The following NKAIN2 variants were observed in gnomAD, a reference collection of about 807,000 sequenced individuals.
The protein encoded by NKAIN2 is sodium/potassium transporting ATPase interacting 2, also known as sodium/potassium-transporting ATPase subunit beta-1-interacting protein 2.
Under a neutral mutation model 32.6 loss-of-function variants are expected in NKAIN2, and 14 were observed. The ratio of observed to expected loss-of-function variants is 0.43; its 90% CI spans 0.28 to 0.67. The LOEUF (loss-of-function observed/expected upper bound fraction) is 0.67, where lower values mean the gene tolerates loss of function less well. NKAIN2 is among the 30% of genes least tolerant of loss of function. The pLI is 0.17. For synonymous variants in NKAIN2, 80 were observed against 87.2 expected (o/e 0.92, Z 0.46); for missense variants, 198 against 258.3 (o/e 0.77, Z 1.60).
At chr6:124,130,331 T>C (rs532757207) in intron 1 of NKAIN2, among the ~76,000 whole-genome samples, 1 of 152,330 alleles carries the variant, frequency 6.6e-6, no homozygotes, top group African/African-American at 2.4e-5. Flanking sequence ...CACAGTGGCC[T>C]TATGATTACC....
intron 1 of NKAIN2, among the ~76,000 whole-genome samples, chr6:124,050,525 G>A (rs1477211319): frequency 1.3e-5 from 2 of 151,828 alleles, no homozygotes; most frequent in East Asian, 1.9e-4. Context: ...CCTGGCTTGG[G>A]GCTCAGTGGT....
intron 3 of NKAIN2, among the ~76,000 whole-genome samples, chr6:124,478,059 A>G (rs1777301358): frequency 6.6e-6 from 1 of 151,922 alleles, no homozygotes; most frequent in Non-Finnish European, 1.5e-5. Flanking sequence ...ATATCTGCTA[A>G]TATTGGTGAA....
At chr6:124,431,266 A>G (rs1297744096) in intron 3 of NKAIN2, among the ~76,000 whole-genome samples, 1 of 152,080 alleles carries the variant, frequency 6.6e-6, no homozygotes, top group Non-Finnish European at 1.5e-5. Context: ...ACTCGTTGCA[A>G]TATCTCTGGC....
chr6:123,909,770 G>A (rs1775075344), intron 1 of NKAIN2, among the ~76,000 whole-genome samples: 1 of 152,118 alleles, frequency 6.6e-6, no homozygotes, highest in African/African-American at 2.4e-5. Context: ...AAAGAAATAT[G>A]CATTTATTTT....
intron 1 of NKAIN2, among the ~76,000 whole-genome samples, chr6:123,844,704 G>T (rs1461286924): frequency 6.6e-6 from 1 of 152,178 alleles, no homozygotes; most frequent in East Asian, 1.9e-4. Context: ...CAGATTGATG[G>T]CAGAGTTTAT....
At chr6:124,256,882 G>GT (rs1163096108) in intron 1 of NKAIN2, among the ~76,000 whole-genome samples, 7 of 66,378 alleles carry the variant, frequency 1.1e-4, no homozygotes, top group South Asian at 4.4e-4. Flanking sequence ...TTAGCTTTCT[G>GT]TTGTTTTTTT....
chr6:124,559,446 C>T (rs1449924246), intron 3 of NKAIN2, among the ~76,000 whole-genome samples: 2 of 152,120 alleles, frequency 1.3e-5, no homozygotes, highest in African/African-American at 2.4e-5. Flanking sequence ...CAGCGATAGA[C>T]GATTCCTTAC....
intron 1 of NKAIN2, among the ~76,000 whole-genome samples, chr6:123,958,395 T>C (rs1582842781): frequency 6.6e-6 from 1 of 152,230 alleles, no homozygotes; most frequent in Non-Finnish European, 1.5e-5. Context: ...CCGTCACCTC[T>C]GTGCACATGG....
At chr6:123,887,219 CT>C (rs142172565) in intron 1 of NKAIN2, among the ~76,000 whole-genome samples, 2,156 of 152,144 alleles carry the variant, frequency 0.014, 23 homozygotes, top group Non-Finnish European at 0.021. Context: ...TACTTTGCCT[CT>C]AAGCTGCTGG....
At chr6:124,350,981 G>T (rs571882505) in intron 2 of NKAIN2, among the ~76,000 whole-genome samples, 9 of 152,074 alleles carry the variant, frequency 5.9e-5, no homozygotes, top group African/African-American at 1.9e-4. Context: ...AGAGTGAGAC[G>T]CCTTCTCTAA....
Position 123,949,143 on chromosome 6 carries a change from A to G in NKAIN2, c.54+144889A>G, listed in dbSNP as rs939046778. ...ATATGCCTGTTTTTATACAAATACC[A>G]TCCTGTTTTGGTTACTATAGCTTTG... On this transcript the variant is annotated intron_variant, in intron 1 of 6. Coordinates refer to ENST00000368417, the MANE Select transcript of NKAIN2 (RefSeq NM_001040214.3). Among the ~76,000 whole-genome samples the G allele has an allele frequency of 2.0e-5, 3 of 152,026 alleles. No individual in the cohort carries two copies. The South Asian group carries it at 6.2e-4, about 31-fold the overall frequency.
intron 1 of NKAIN2, among the ~76,000 whole-genome samples, chr6:124,086,709 A>T (rs1172917290): frequency 6.6e-6 from 1 of 151,940 alleles, no homozygotes; most frequent in Non-Finnish European, 1.5e-5. Flanking sequence ...AATGAGCCAA[A>T]TGCATGAAAG....
At chr6:124,175,023 C>T (rs967300600) in intron 1 of NKAIN2, among the ~76,000 whole-genome samples, 1 of 152,008 alleles carries the variant, frequency 6.6e-6, no homozygotes, top group African/African-American at 2.4e-5. Flanking sequence ...TTGTGAATAC[C>T]TGTATCTACC....
intron 1 of NKAIN2, among the ~76,000 whole-genome samples, chr6:123,821,076 T>C (rs1233256897): frequency 6.6e-6 from 1 of 152,210 alleles, no homozygotes; most frequent in East Asian, 1.9e-4. Flanking sequence ...TTTGGGCTGT[T>C]GCTATTGTGT....
chr6:124,320,152 A>G (rs1225841789), intron 2 of NKAIN2, among the ~76,000 whole-genome samples: 1 of 152,124 alleles, frequency 6.6e-6, no homozygotes, highest in East Asian at 1.9e-4. Flanking sequence ...AAAATCATCA[A>G]TACTGTCTTG....
At chr6:124,804,708 G>A (rs917806768) in intron 5 of NKAIN2, among the ~76,000 whole-genome samples, 3 of 152,244 alleles carry the variant, frequency 2.0e-5, no homozygotes, top group African/African-American at 7.2e-5. Flanking sequence ...CACTCGGGAA[G>A]CGCAAGGGAT....
chr6:124,114,865 T>G (rs1010196961), intron 1 of NKAIN2, among the ~76,000 whole-genome samples: 1 of 152,104 alleles, frequency 6.6e-6, no homozygotes, highest in African/African-American at 2.4e-5. Flanking sequence ...TATATTCAGT[T>G]CTAGTTATTA....
chr6:124,012,494 C>T (rs1006321870), intron 1 of NKAIN2, among the ~76,000 whole-genome samples: 6 of 151,946 alleles, frequency 3.9e-5, no homozygotes, highest in Non-Finnish European at 7.4e-5. Flanking sequence ...TGCCACCACG[C>T]CTGGCTAATT....
chr6:124,418,409 G>A (rs1047570894), intron 3 of NKAIN2, among the ~76,000 whole-genome samples: 9 of 151,024 alleles, frequency 6.0e-5, no homozygotes, highest in African/African-American at 9.7e-5. Context: ...TGAAGATTAC[G>A]GAGCATTTTG....
Sources: gnomAD v4.1 joint callset for allele counts (sites outside exome capture counted in the v4.1 genomes callset) on GRCh38, gnomAD v4.1.1 for gene constraint, MANE v1.5 for transcripts, NCBI Gene and HGNC (gene_info 2026-07-23, HGNC 2026-07-21) for gene names.